CALN1: variants seen among roughly 807,000 people sequenced by gnomAD.
CALN1 encodes calneuron 1.
A neutral mutation model predicts 30.6 loss-of-function variants in CALN1; 17 were observed. That is an observed-to-expected ratio of 0.56 (90% CI 0.38 to 0.83). The LOEUF (loss-of-function observed/expected upper bound fraction) is 0.83. Among genes scored for constraint, CALN1 ranks in the 40% least tolerant of loss-of-function variants. CALN1 has a pLI of 0.00. For missense variants in CALN1, 291 were observed against 354.9 expected (o/e 0.82, Z 1.45); for synonymous variants, 156 against 131.4 (o/e 1.19, Z -1.28).
chr7:72,229,228 C>T (rs529736327), intron 3 of CALN1, among the ~76,000 whole-genome samples: 6 of 152,102 alleles, frequency 3.9e-5, no homozygotes, highest in African/African-American at 9.6e-5. Flanking sequence ...CCTCAGATAA[C>T]AAAGAGACTT....
At chr7:72,429,822 T>G (rs1451367483) in intron 1 of CALN1, among the ~76,000 whole-genome samples, 1 of 150,894 alleles carries the variant, frequency 6.6e-6, no homozygotes, top group Non-Finnish European at 1.5e-5. Flanking sequence ...TATGTGTGTG[T>G]CTATATATAT....
chr7:71,980,013 G>A (rs921751379), intron 5 of CALN1, among the ~76,000 whole-genome samples: 1 of 151,288 alleles, frequency 6.6e-6, no homozygotes, highest in Admixed American at 6.6e-5. Context: ...ATATAGCTGG[G>A]ATTACAGGTG....
At chr7:72,026,408 A>AT (rs1379710907) in intron 4 of CALN1, among the ~76,000 whole-genome samples, 1 of 152,092 alleles carries the variant, frequency 6.6e-6, no homozygotes, top group African/African-American at 2.4e-5. Context: ...CAACATGGTG[A>AT]AACCCCATCT....
In CALN1 at chr7:72,175,324, C is replaced by T. The variant is rs1022196344; in HGVS notation, c.245-69030G>A. Among the ~76,000 whole-genome samples, 16 of 152,112 alleles carry T rather than the reference C, an allele frequency of 1.1e-4. No individual in the cohort carries two copies. The East Asian group carries it at 1.9e-3, about 18-fold the overall frequency. Reference sequence around the variant, plus strand: ...TCCTGACCTCATGATCTGCCCGCCTCGGCCTCCCAAAGTGTTGGGATTATG... The same window carrying T: ...TCCTGACCTCATGATCTGCCCGCCTTGGCCTCCCAAAGTGTTGGGATTATG... On this transcript the variant is annotated intron_variant, in intron 3 of 6. Transcript: ENST00000395275.
chr7:72,476,284 C>T, the CALN1 span, among the ~76,000 whole-genome samples: 1 of 152,014 alleles, frequency 6.6e-6, no homozygotes, highest in African/African-American at 2.4e-5. Context: ...TAAGATGTGC[C>T]TTTGCTTCTC....
At chr7:72,183,907 CTTT>C (rs900753487) in intron 3 of CALN1, among the ~76,000 whole-genome samples, 1 of 150,024 alleles carries the variant, frequency 6.7e-6, no homozygotes, top group Non-Finnish European at 1.5e-5. Flanking sequence ...GAAAAACTGA[CTTT>C]TTTTTTTCTA....
intron 5 of CALN1, among the ~76,000 whole-genome samples, chr7:71,973,023 C>G (rs1001872537): frequency 6.6e-6 from 1 of 151,272 alleles, no homozygotes; most frequent in African/African-American, 2.4e-5. Flanking sequence ...CATCCCCTCA[C>G]TGGAGGGTGG....
Position 72,142,335 on chromosome 7 carries a change from T to A in CALN1, c.245-36041A>T, listed in dbSNP as rs180960254. Among the ~76,000 whole-genome samples the A allele has an allele frequency of 1.6e-3, 250 of 152,314 alleles. 1 individual carries two copies. The highest frequency in any genetic ancestry group is 1.1e-3 in the Non-Finnish European group (75 of 68,022). On this transcript the variant is annotated intron_variant, in intron 3 of 6. Transcript: ENST00000395275. ...ACACCAGGAGATTATATTCCGTGCC[T>A]GGCTCAGAGGATCCTACACCCATGG...
intron 1 of CALN1, among the ~76,000 whole-genome samples, chr7:72,430,118 C>T (rs1807927298): frequency 6.7e-6 from 1 of 150,200 alleles, no homozygotes; most frequent in Admixed American, 6.7e-5. Context: ...ACCGCCCGGC[C>T]TGTAATTATA....
chr7:72,325,896 C>G (rs1007086317), intron 2 of CALN1, among the ~76,000 whole-genome samples: 2 of 152,206 alleles, frequency 1.3e-5, no homozygotes, highest in African/African-American at 4.8e-5. Flanking sequence ...TGTGATTTAA[C>G]TGTTTTTTGG....
chr7:72,492,505 A>T, the CALN1 span, among the ~76,000 whole-genome samples: 1 of 150,980 alleles, frequency 6.6e-6, no homozygotes, highest in African/African-American at 2.4e-5. Context: ...CAGATCTTGC[A>T]TGCAAGTTGG....
chr7:71,870,571 G>A (rs1791864523), intron 5 of CALN1, among the ~76,000 whole-genome samples: 1 of 152,140 alleles, frequency 6.6e-6, no homozygotes, highest in Non-Finnish European at 1.5e-5. Flanking sequence ...TCTTTGAATA[G>A]TAGAATTGTT....
intron 3 of CALN1, among the ~76,000 whole-genome samples, chr7:72,139,551 C>T (rs2129543356): frequency 6.6e-6 from 1 of 151,866 alleles, no homozygotes; most frequent in African/African-American, 2.4e-5. Context: ...CCCCCTCAGC[C>T]ATGCCCACCC....
chr7:71,873,001 A>ATTTTTTTTTTTTT (rs371153112), intron 5 of CALN1, among the ~76,000 whole-genome samples: 3 of 115,622 alleles, frequency 2.6e-5, no homozygotes, highest in African/African-American at 7.1e-5. Flanking sequence ...GTTTGTGACA[A>ATTTTTTTTTTTTT]TTTTTTTTTT....
At chr7:72,426,497 T>C (rs1807802475) in intron 1 of CALN1, among the ~76,000 whole-genome samples, 1 of 152,250 alleles carries the variant, frequency 6.6e-6, no homozygotes, top group Non-Finnish European at 1.5e-5. Flanking sequence ...CCTTCCGCCA[T>C]GAGTGTAAGT....
the CALN1 span, among the ~76,000 whole-genome samples, chr7:72,487,529 T>C: frequency 6.6e-6 from 1 of 150,778 alleles, no homozygotes. Context: ...CTACTGAAAA[T>C]ACAAAAATTA....
intron 5 of CALN1, among the ~76,000 whole-genome samples, chr7:71,965,615 T>C: frequency 6.6e-6 from 1 of 152,186 alleles, no homozygotes; most frequent in East Asian, 1.9e-4. Context: ...ACTTAAATGG[T>C]GTATAGCTAA....
At chr7:72,262,437 T>C (rs570289084) in intron 3 of CALN1, among the ~76,000 whole-genome samples, 54 of 152,300 alleles carry the variant, frequency 3.5e-4, no homozygotes, top group African/African-American at 1.2e-3. Flanking sequence ...TGGGCTTTGA[T>C]GGAACCATCA....
At chr7:72,123,423 A>AT (rs1808525708) in intron 3 of CALN1, among the ~76,000 whole-genome samples, 1 of 152,126 alleles carries the variant, frequency 6.6e-6, no homozygotes, top group Non-Finnish European at 1.5e-5. Flanking sequence ...TTTTTTTCCC[A>AT]TTTTAACTCA....
Sources: gnomAD v4.1 joint callset for allele counts (sites outside exome capture counted in the v4.1 genomes callset) on GRCh38, gnomAD v4.1.1 for gene constraint, MANE v1.5 for transcripts, NCBI Gene and HGNC (gene_info 2026-07-23, HGNC 2026-07-21) for gene names.